The following BANK1 variants were observed in gnomAD, a reference collection of about 807,000 sequenced individuals.
BANK1 encodes the protein B cell scaffold protein with ankyrin repeats 1.
A neutral mutation model predicts 94.5 loss-of-function variants in BANK1; 95 were observed. The observed-to-expected ratio is 1.00, with a 90% CI of 0.85 to 1.19. The LOEUF is 1.19. Among genes scored for constraint, BANK1 ranks in the 50% most tolerant of loss-of-function variants. BANK1 has a pLI of 0.00. For missense variants in BANK1, 987 were observed against 932.2 expected, an observed-to-expected ratio of 1.06 and a Z score of -0.77; for synonymous variants, 334 against 308.4, an observed-to-expected ratio of 1.08 and a Z score of -0.87.
intron 6 of BANK1, among the ~76,000 whole-genome samples, chr4:101,897,261 G>A (rs1210627175): frequency 5.9e-5 from 9 of 151,964 alleles, no homozygotes; most frequent in Non-Finnish European, 1.5e-5. Flanking sequence ...ATGGAATTAT[G>A]ACACAATTTT....
intron 7 of BANK1, among the ~76,000 whole-genome samples, chr4:101,955,062 C>A (rs545571805): frequency 6.6e-6 from 1 of 152,182 alleles, no homozygotes; most frequent in East Asian, 1.9e-4. Context: ...ATAAGCTGTG[C>A]AGTCCTCATT....
chr4:101,830,971 T>G (rs1174481508), intron 2 of BANK1, among the ~76,000 whole-genome samples: 1 of 152,230 alleles, frequency 6.6e-6, no homozygotes, highest in Non-Finnish European at 1.5e-5. Context: ...TCGCTGGGAA[T>G]GTCTCTCTTG....
chr4:101,851,473 C>T (rs920117134), intron 2 of BANK1, among the ~76,000 whole-genome samples: 6 of 152,062 alleles, frequency 3.9e-5, no homozygotes, highest in African/African-American at 9.7e-5. Flanking sequence ...GTGTCAAGTT[C>T]GACTAAGGTG....
intron 7 of BANK1, among the ~76,000 whole-genome samples, chr4:101,941,905 A>G (rs1180405349): frequency 6.6e-6 from 1 of 151,786 alleles, no homozygotes. Flanking sequence ...GACCCTCATG[A>G]TGATCCACTT....
chr4:101,802,971 GA>G (rs918584148), intron 1 of BANK1, among the ~76,000 whole-genome samples: 3 of 151,798 alleles, frequency 2.0e-5, no homozygotes, highest in East Asian at 1.9e-4. Context: ...GTGTTCTTTG[GA>G]AAAAAAATTT....
intron 5 of BANK1, among the ~76,000 whole-genome samples, chr4:101,891,198 C>A (rs1560619108): frequency 6.6e-6 from 1 of 152,038 alleles, no homozygotes; most frequent in Non-Finnish European, 1.5e-5. Context: ...CTGCTGATAA[C>A]AGATTCCCTT....
chr4:101,894,671 G>A (rs1178524062), intron 5 of BANK1, among the ~76,000 whole-genome samples: 1 of 151,868 alleles, frequency 6.6e-6, no homozygotes, highest in Non-Finnish European at 1.5e-5. Flanking sequence ...CATGACATAA[G>A]ACAACTTGAA....
intron 7 of BANK1, among the ~76,000 whole-genome samples, chr4:102,001,470 C>T (rs764197119): frequency 7.2e-5 from 11 of 152,098 alleles, no homozygotes; most frequent in Non-Finnish European, 1.3e-4. Flanking sequence ...CATGGTGGCA[C>T]ACGCCTGTAG....
rs539796929 is a variant in BANK1, at chr4:101,829,894, A to G, written c.157A>G (p.Lys53Glu). Residue 53 changes from lysine (K) to glutamate (E), a missense_variant, in exon 2 of 17, where the codon AAA becomes GAA. Transcript: ENST00000322953. ...YLTEVFLHVVKREAILLYRLE... is the reference protein window; with the variant it reads ...YLTEVFLHVVEREAILLYRLE... Reference sequence around the variant, plus strand: ...GACAGAAGTATTTTTACATGTTGTGAAAAGGGAAGCCATCCTGTTATATCG... The same window carrying G: ...GACAGAAGTATTTTTACATGTTGTGGAAAGGGAAGCCATCCTGTTATATCG... The G allele has an allele frequency of 1.9e-6, 3 of 1,613,694 alleles. No homozygotes were observed. Among genetic ancestry groups the G allele is most frequent in the East Asian group, 2.2e-5 (1 of 44,826 alleles).
intron 7 of BANK1, among the ~76,000 whole-genome samples, chr4:101,978,857 A>G (rs1053518594): frequency 6.6e-6 from 1 of 152,072 alleles, no homozygotes; most frequent in African/African-American, 2.4e-5. Flanking sequence ...ACATCACCAA[A>G]TTTCAAAAAT....
intron 2 of BANK1, among the ~76,000 whole-genome samples, chr4:101,833,281 A>G (rs1726698802): frequency 6.6e-6 from 1 of 152,180 alleles, no homozygotes; most frequent in East Asian, 1.9e-4. Context: ...ACCTGGCCTC[A>G]AGTTTTCTTA....
chr4:101,812,756 TAATC>T (rs1362409395), intron 1 of BANK1, among the ~76,000 whole-genome samples: 1 of 152,096 alleles, frequency 6.6e-6, no homozygotes, highest in African/African-American at 2.4e-5. Context: ...TGTCAAATAT[TAATC>T]AAAGCAACCC....
chr4:102,023,991 C>T (rs1726997674), intron 8 of BANK1, among the ~76,000 whole-genome samples: 1 of 152,094 alleles, frequency 6.6e-6, no homozygotes, highest in East Asian at 1.9e-4. Flanking sequence ...TGTACAAAAA[C>T]AAATAACTAT....
intron 7 of BANK1, among the ~76,000 whole-genome samples, chr4:102,015,757 C>CT (rs1442457547): frequency 1.3e-5 from 2 of 152,114 alleles, no homozygotes; most frequent in African/African-American, 4.8e-5. Context: ...CTGGTTATTT[C>CT]TTATATTTGC....
At chr4:101,892,527 G>GTA (rs35163465) in intron 5 of BANK1, among the ~76,000 whole-genome samples, 84 of 149,926 alleles carry the variant, frequency 5.6e-4, no homozygotes, top group East Asian at 1.2e-3. Flanking sequence ...GCATGTATAT[G>GTA]TATATATATA....
chr4:102,064,255 T>G (rs1385745658), intron 13 of BANK1, among the ~76,000 whole-genome samples: 1 of 152,240 alleles, frequency 6.6e-6, no homozygotes. Context: ...AGAGAATTCT[T>G]AAGCACTTTA....
chr4:101,815,992 G>C (rs1281516068), intron 1 of BANK1, among the ~76,000 whole-genome samples: 7 of 152,096 alleles, frequency 4.6e-5, no homozygotes, highest in Admixed American at 4.6e-4. Context: ...GTAATTATAT[G>C]TTTTTTCCTT....
chr4:101,865,965 T>G (rs1728053177), intron 4 of BANK1, among the ~76,000 whole-genome samples: 1 of 152,154 alleles, frequency 6.6e-6, no homozygotes, highest in Non-Finnish European at 1.5e-5. Context: ...CTAAACGGAT[T>G]CCTATAAATT....
At chr4:102,002,790 A>G (rs1449458934) in intron 7 of BANK1, among the ~76,000 whole-genome samples, 2 of 152,168 alleles carry the variant, frequency 1.3e-5, no homozygotes, top group Non-Finnish European at 2.9e-5. Context: ...CAGAGCCATC[A>G]AAGCAGGTAA....
Sources: allele counts gnomAD v4.1 joint callset (sites outside exome capture counted in the v4.1 genomes callset), GRCh38; gene constraint gnomAD v4.1.1; transcripts MANE v1.5; gene names NCBI Gene and HGNC (gene_info 2026-07-23, HGNC 2026-07-21).